The following MCTP2 variants were observed in gnomAD, a reference collection of about 807,000 sequenced individuals.
The protein encoded by MCTP2 is multiple C2 and transmembrane domain-containing protein 2.
MCTP2 carries 132 observed loss-of-function variants against 111.6 expected under a neutral mutation model. That is an observed-to-expected ratio of 1.18 (90% CI 1.03 to 1.37). The LOEUF (loss-of-function observed/expected upper bound fraction) is 1.37, where lower values mean the gene tolerates loss of function less well. Ranked by LOEUF, MCTP2 falls within the 40% of genes most tolerant of loss-of-function variation. The pLI, the probability that MCTP2 is intolerant of heterozygous loss-of-function variation, is 0.00. For missense variants in MCTP2, 1,183 were observed against 1,067.9 expected, an observed-to-expected ratio of 1.11 and a Z score of -1.50; for synonymous variants, 395 against 387.7, an observed-to-expected ratio of 1.02 and a Z score of -0.22.
chr15:94,418,537 A>G (rs946743623), intron 17 of MCTP2, among the ~76,000 whole-genome samples: 86 of 152,130 alleles, frequency 5.7e-4, no homozygotes, highest in Non-Finnish European at 4.1e-4. Context: ...TGAAATTATG[A>G]TCATTCTAGG....
intron 19 of MCTP2, among the ~76,000 whole-genome samples, chr15:94,445,851 A>G (rs1360023286): frequency 6.6e-6 from 1 of 152,184 alleles, no homozygotes; most frequent in East Asian, 1.9e-4. Flanking sequence ...TTCTACCCAA[A>G]CCATCCATCT....
intron 19 of MCTP2, among the ~76,000 whole-genome samples, chr15:94,450,428 C>T (rs926106357): frequency 9.2e-5 from 14 of 152,238 alleles, no homozygotes; most frequent in African/African-American, 3.4e-4. Flanking sequence ...TAAATGACAG[C>T]TCCTGGTGCA....
chr15:94,251,181 G>A (rs1280093565), intron 1 of MCTP2, among the ~76,000 whole-genome samples: 1 of 152,158 alleles, frequency 6.6e-6, no homozygotes, highest in African/African-American at 2.4e-5. Context: ...AGGACCCATG[G>A]TCACCTGGGA....
intron 18 of MCTP2, 99 bp from the exon 19 acceptor site, chr15:94,442,820 G>A: frequency 1.0e-6 from 1 of 957,020 alleles, no homozygotes; most frequent in Admixed American, 1.8e-5. Flanking sequence ...AAATATAAAT[G>A]CTTGAAGTCT....
At chr15:94,243,668 T>C (rs1397746750) in intron 1 of MCTP2, among the ~76,000 whole-genome samples, 4 of 148,322 alleles carry the variant, frequency 2.7e-5, no homozygotes, top group Admixed American at 6.7e-5. Context: ...TATGCGTATA[T>C]ATACACATAT....
chr15:94,306,540 TAA>T (rs964252913), intron 2 of MCTP2, among the ~76,000 whole-genome samples: 1 of 152,160 alleles, frequency 6.6e-6, no homozygotes. Flanking sequence ...GATCTGGAGA[TAA>T]AAAAAGTTGA....
At chr15:94,241,725 T>G (rs1596131622) in intron 1 of MCTP2, among the ~76,000 whole-genome samples, 1 of 152,108 alleles carries the variant, frequency 6.6e-6, no homozygotes, top group East Asian at 1.9e-4. Context: ...TAGTTTGAGC[T>G]AAGTCACTTT....
intron 1 of MCTP2, among the ~76,000 whole-genome samples, chr15:94,296,217 C>A (rs1017474334): frequency 3.3e-5 from 5 of 152,108 alleles, no homozygotes; most frequent in South Asian, 2.1e-4. Context: ...AGAAGCAATG[C>A]CTTTTATCGT....
intron 2 of MCTP2, among the ~76,000 whole-genome samples, chr15:94,303,816 T>A (rs756099415): frequency 2.0e-5 from 3 of 152,184 alleles, no homozygotes; most frequent in Non-Finnish European, 4.4e-5. Context: ...TGGTGCTTTT[T>A]CCAACTCTGT....
Position 94,401,980 on chromosome 15 carries a change from C to G in MCTP2, c.2046C>G (p.Phe682Leu). The change falls in exon 17 of 23, where the codon TTC (phenylalanine) becomes TTG (leucine). Residue 682 changes from phenylalanine (F) to leucine (L), a missense_variant. Coordinates refer to ENST00000357742, the MANE Select transcript of MCTP2 (RefSeq NM_001385001.1). ...WNTMQFLKSC[F>L]QWESTLRSTI... ...CAATGCAGTTCCTTAAAAGCTGCTT[C>G]CAGTGGGAATCCACATTAAGAAGTA... The G allele has an allele frequency of 6.2e-7, 1 of 1,613,444 alleles. No homozygotes were observed. Among genetic ancestry groups the G allele is most frequent in the Non-Finnish European group, 8.5e-7 (1 of 1,179,556 alleles).
At chr15:94,258,239 T>C (rs1204680243) in intron 1 of MCTP2, among the ~76,000 whole-genome samples, 1 of 152,124 alleles carries the variant, frequency 6.6e-6, no homozygotes. Context: ...TACTTAATAA[T>C]GTCACAACTA....
chr15:94,354,518 CT>C (rs2078504026), intron 8 of MCTP2, among the ~76,000 whole-genome samples: 1 of 152,104 alleles, frequency 6.6e-6, no homozygotes, highest in African/African-American at 2.4e-5. Context: ...AAGAAGGTGC[CT>C]TGCTTCCCCT....
At chr15:94,406,292 G>GAGCTC (rs2081891945) in intron 17 of MCTP2, among the ~76,000 whole-genome samples, 1 of 152,216 alleles carries the variant, frequency 6.6e-6, no homozygotes, top group African/African-American at 2.4e-5. Context: ...TACAGTGACA[G>GAGCTC]AGCTCATGTG....
intron 21 of MCTP2, among the ~76,000 whole-genome samples, chr15:94,474,806 T>A (rs1279906004): frequency 2.6e-5 from 4 of 152,126 alleles, no homozygotes. Flanking sequence ...CCTTCATAAA[T>A]AAGGTGTGCA....
At chr15:94,310,403 G>A (rs192127674) in intron 2 of MCTP2, among the ~76,000 whole-genome samples, 1 of 152,106 alleles carries the variant, frequency 6.6e-6, no homozygotes, top group Non-Finnish European at 1.5e-5. Context: ...TGTGGTGGGG[G>A]TTATACAAAT....
At chr15:94,390,074 A>ATGTATATATATATATG (rs1329165239) in intron 14 of MCTP2, among the ~76,000 whole-genome samples, 3 of 25,852 alleles carry the variant, frequency 1.2e-4, no homozygotes, top group Admixed American at 6.7e-4. Context: ...ATATATATAT[A>ATGTATATATATATATG]TATATATATA....
At chr15:94,309,284 C>T (rs1388184957) in intron 2 of MCTP2, among the ~76,000 whole-genome samples, 1 of 149,604 alleles carries the variant, frequency 6.7e-6, no homozygotes, top group African/African-American at 2.6e-5. Context: ...TTTGTGACTC[C>T]TGTATTCTTA....
At chr15:94,423,145 T>G (rs574215594) in intron 17 of MCTP2, among the ~76,000 whole-genome samples, 1 of 152,304 alleles carries the variant, frequency 6.6e-6, no homozygotes, top group East Asian at 1.9e-4. Flanking sequence ...TAACAAACTT[T>G]GTCTTCCAAG....
rs1491535375 is a variant in MCTP2 at position 94,244,228 on chromosome 15, ATT to A, written c.-66+12566_-66+12567del. ...TGTATACACATACATATGTGTATAT[ATT>A]TATATACACGTGTATACACATATGT... On this transcript the variant is annotated intron_variant, in intron 1 of 22. Transcript: ENST00000357742. Among the ~76,000 whole-genome samples, 407 of 126,260 alleles carry A rather than the reference ATT, an allele frequency of 3.2e-3. 3 individuals carry two copies. Among genetic ancestry groups the A allele is most frequent in the African/African-American group, 0.013 (398 of 30,918 alleles). 82.8% of individuals were successfully genotyped at this position (126,260 alleles called of 152,430 possible).
Sources: allele counts gnomAD v4.1 joint callset (sites outside exome capture counted in the v4.1 genomes callset), GRCh38; gene constraint gnomAD v4.1.1; transcripts MANE v1.5; gene names NCBI Gene and HGNC (gene_info 2026-07-23, HGNC 2026-07-21).